TG: variants seen among roughly 807,000 people sequenced by gnomAD.
The protein encoded by TG is thyroglobulin.
TG carries 270 observed loss-of-function variants against 324.7 expected under a neutral mutation model. The observed-to-expected ratio is 0.83, with a 90% CI of 0.75 to 0.92. The LOEUF (loss-of-function observed/expected upper bound fraction) is 0.92. TG is among the 40% of genes least tolerant of loss of function. The pLI, the probability that TG is intolerant of heterozygous loss-of-function variation, is 0.00. For synonymous variants in TG, 1,401 were observed against 1,327.0 expected (o/e 1.06, Z -1.21); for missense variants, 3,591 against 3,456.4 (o/e 1.04, Z -0.98).
intron 34 of TG, 128 bp downstream of exon 34, chr8:132,972,869 T>A (rs1829724685): frequency 1.5e-6 from 2 of 1,300,838 alleles, no homozygotes; most frequent in African/African-American, 2.9e-5. Context: ...GCAACAGAAA[T>A]AGATTCTGTT....
Position 132,988,849 on chromosome 8 carries a change from C to T in TG, c.6262+5437C>T, listed in dbSNP as rs767018112. On this transcript the variant is annotated intron_variant, in intron 35 of 47. Transcript: ENST00000220616. The stretch of plus-strand genomic sequence containing the variant: ...TCCTAAGGGTTTATTCCCAGGACAA[C>T]GAGCATTCAGCTTGCCATTCTCTAT... 91 of 985,276 alleles carry T rather than the reference C, an allele frequency of 9.2e-5. No homozygotes were observed. The African/African-American group carries it at 1.2e-3, about 13-fold the overall frequency. 61.0% of individuals were successfully genotyped at this position (985,276 alleles called of 1,614,324 possible).
intron 11 of TG, among the ~76,000 whole-genome samples, chr8:132,894,975 G>A (rs1347015361): frequency 6.6e-6 from 1 of 152,242 alleles, no homozygotes; most frequent in East Asian, 1.9e-4. Flanking sequence ...GAAGCCCAGA[G>A]ACCTGGTCCT....
At chr8:133,053,658 A>G (rs1031362438) in intron 41 of TG, among the ~76,000 whole-genome samples, 32 of 152,238 alleles carry the variant, frequency 2.1e-4, no homozygotes, top group African/African-American at 7.5e-4. Flanking sequence ...TTCAAGATTA[A>G]GACTGTGGAA....
chr8:133,005,185 A>G (rs1401739945), intron 35 of TG, among the ~76,000 whole-genome samples: 3 of 152,134 alleles, frequency 2.0e-5, no homozygotes, highest in African/African-American at 4.8e-5. Flanking sequence ...TCCCATGAAA[A>G]CTGAGGCCCA....
intron 41 of TG, among the ~76,000 whole-genome samples, chr8:133,030,307 A>T (rs1836509329): frequency 6.6e-6 from 1 of 152,192 alleles, no homozygotes; most frequent in South Asian, 2.1e-4. Flanking sequence ...CTGAACCATC[A>T]ATTATCTCTC....
At position 133,013,610 on chromosome 8, in the gene TG, A is replaced by G. The variant is rs1564073013; in HGVS notation, c.6408A>G (p.Gln2136=). ...VRDLCLSECS[Q]HEACLITTLQ... ...CCCTCTTTTCTGCAGAATGTTCCCA[A>G]CATGAGGCCTGTCTCATCACCACTC... The change falls in exon 37 of 48, where the codon CAA becomes CAG. Residue 2136 remains glutamine (Q), a synonymous_variant. Coordinates refer to ENST00000220616, the MANE Select transcript of TG (RefSeq NM_003235.5). 1 of 1,614,196 alleles carries G rather than the reference A, an allele frequency of 6.2e-7. No homozygotes were observed. Among genetic ancestry groups the G allele is most frequent in the Non-Finnish European group, 8.5e-7 (1 of 1,180,050 alleles).
chr8:133,058,149 C>A (rs961238339), intron 41 of TG, among the ~76,000 whole-genome samples: 1 of 152,200 alleles, frequency 6.6e-6, no homozygotes, highest in Non-Finnish European at 1.5e-5. Flanking sequence ...CTACTTAACA[C>A]GGCATCACTG....
intron 5 of TG, among the ~76,000 whole-genome samples, chr8:132,873,443 A>G (rs1839686294): frequency 6.6e-6 from 1 of 152,262 alleles, no homozygotes; most frequent in Non-Finnish European, 1.5e-5. Flanking sequence ...CCTCTGGCCA[A>G]TGAAATGTAA....
chr8:133,053,399 C>T (rs1276488180), intron 41 of TG, among the ~76,000 whole-genome samples: 2 of 152,200 alleles, frequency 1.3e-5, no homozygotes, highest in Admixed American at 6.5e-5. Flanking sequence ...AGCAGGCTTA[C>T]TGAATGTGCA....
intron 43 of TG, among the ~76,000 whole-genome samples, chr8:133,106,896 C>T (rs79394355): frequency 0.018 from 2,793 of 152,284 alleles, 31 homozygotes; most frequent in Non-Finnish European, 0.03. Flanking sequence ...TCAGGCACTC[C>T]GAGCATAGTT....
At chr8:132,888,678 G>A (rs968248129) in intron 10 of TG, 110 bp downstream of exon 10, 7 of 1,203,318 alleles carry the variant, frequency 5.8e-6, no homozygotes, top group African/African-American at 1.5e-5. Flanking sequence ...GAGTGTCAAA[G>A]CTGGAATGGA....
intron 20 of TG, among the ~76,000 whole-genome samples, chr8:132,918,058 G>A (rs991144923): frequency 2.6e-5 from 4 of 151,986 alleles, no homozygotes; most frequent in Non-Finnish European, 5.9e-5. Context: ...CCCTTCTCCC[G>A]AGGGAAGGTT....
At chr8:132,909,103 A>C (rs1206818700) in intron 18 of TG, among the ~76,000 whole-genome samples, 1 of 152,124 alleles carries the variant, frequency 6.6e-6, no homozygotes, top group Non-Finnish European at 1.5e-5. Context: ...ATGTGATGGG[A>C]CATCACTGAA....
rs1815506248 is a variant in TG, at chr8:132,886,935, A to G, written c.1563A>G (p.Pro521=). The G allele has an allele frequency of 6.2e-7, 1 of 1,614,016 alleles. No homozygotes were observed. Among genetic ancestry groups the G allele is most frequent in the Non-Finnish European group, 8.5e-7 (1 of 1,180,014 alleles). ...NGGRQEDLAK[P]LSVGLDSNSS... is the part of the protein sequence containing the mutation. ...GGAGACAAGAAGATTTGGCCAAGCC[A>G]CTCTCTGTGGGATTAGATTCAAATT... The change falls in exon 9 of 48, where the codon CCA becomes CCG. Residue 521 remains proline (P), a synonymous_variant. Coordinates refer to ENST00000220616, the MANE Select transcript of TG (RefSeq NM_003235.5).
At chr8:132,972,910 G>A (rs973310080) in intron 34 of TG, among the ~76,000 whole-genome samples, 169 bp downstream of exon 34, 2 of 152,144 alleles carry the variant, frequency 1.3e-5, no homozygotes. Flanking sequence ...CTTATTGAAA[G>A]TTTGCTCATT....
chr8:132,978,176 T>C (rs1830403183), intron 34 of TG, among the ~76,000 whole-genome samples: 1 of 152,222 alleles, frequency 6.6e-6, no homozygotes, highest in African/African-American at 2.4e-5. Flanking sequence ...CTTTTACTCA[T>C]GGCACAAGGT....
chr8:133,126,384 A>T (rs1303739108), intron 45 of TG, among the ~76,000 whole-genome samples: 1 of 152,204 alleles, frequency 6.6e-6, no homozygotes, highest in Non-Finnish European at 1.5e-5. Context: ...GTTATTGAGG[A>T]TGCATGTTTA....
Position 132,886,969 on chromosome 8 carries a change from G to A in TG, c.1597G>A (p.Gly533Arg). 2 of 1,614,170 alleles carry A rather than the reference G, an allele frequency of 1.2e-6. No individual in the cohort carries two copies. The highest frequency in any genetic ancestry group is 1.1e-5 in the South Asian group (1 of 91,082). Residue 533 changes from glycine to arginine, a missense_variant, in exon 9 of 48, where the codon GGA becomes AGA. Transcript: ENST00000220616. ...SVGLDSNSST[G>R]TPEAAKKDGT... is the part of the protein sequence containing the mutation. ...GGGATTAGATTCAAATTCTTCCACA[G>A]GAACCCCTGAAGCTGCTAAGAAGGA...
At chr8:132,877,322 T>G (rs1014203339) in intron 5 of TG, among the ~76,000 whole-genome samples, 1 of 152,032 alleles carries the variant, frequency 6.6e-6, no homozygotes, top group Non-Finnish European at 1.5e-5. Flanking sequence ...GTGTTTTTAC[T>G]GGAGACGGGG....
Sources: allele counts gnomAD v4.1 joint callset (sites outside exome capture counted in the v4.1 genomes callset), GRCh38; gene constraint gnomAD v4.1.1; transcripts MANE v1.5; gene names NCBI Gene and HGNC (gene_info 2026-07-23, HGNC 2026-07-21).